Variants in KLHL29 observed in about 807,000 individuals in gnomAD.
KLHL29 encodes the protein kelch-like protein 29.
Under a neutral mutation model 80.4 loss-of-function variants are expected in KLHL29, and 21 were observed. That is an observed-to-expected ratio of 0.26 (90% CI 0.19 to 0.38). The LOEUF (loss-of-function observed/expected upper bound fraction) is 0.38, where lower values mean the gene tolerates loss of function less well. Among genes scored for constraint, KLHL29 ranks in the 10% least tolerant of loss-of-function variants. The probability of loss-of-function intolerance (pLI) is 1.00; values close to 1 mark genes in which losing one functional copy is unlikely to be tolerated. For synonymous variants in KLHL29, 511 were observed against 526.8 expected, an observed-to-expected ratio of 0.97 and a Z score of 0.41; for missense variants, 867 against 1,223.9, an observed-to-expected ratio of 0.71 and a Z score of 4.35.
intron 2 of KLHL29, among the ~76,000 whole-genome samples, chr2:23,502,496 G>C (rs1425723053): frequency 6.6e-6 from 1 of 152,228 alleles, no homozygotes; most frequent in African/African-American, 2.4e-5. Context: ...GGCCCCTAAG[G>C]GGGAGGACAC....
intron 5 of KLHL29, among the ~76,000 whole-genome samples, chr2:23,658,075 G>A (rs568963395): frequency 6.6e-6 from 1 of 151,850 alleles, no homozygotes; most frequent in East Asian, 2.0e-4. Flanking sequence ...CTCCATGCTT[G>A]GCCCTCCTCC....
At chr2:23,527,143 A>G (rs1666351187) in intron 2 of KLHL29, among the ~76,000 whole-genome samples, 1 of 152,120 alleles carries the variant, frequency 6.6e-6, no homozygotes, top group Admixed American at 6.5e-5. Context: ...GCTCCTTAAC[A>G]TGGGCTCCCA....
chr2:23,703,648 T>C (rs1156867074), intron 12 of KLHL29, 71 bp from the exon 13 acceptor site: 1 of 1,463,118 alleles, frequency 6.8e-7, no homozygotes, highest in Non-Finnish European at 9.0e-7. Flanking sequence ...CTGGAGGGTC[T>C]TCTGGGAAAG....
At chr2:23,416,188 G>A (rs1479118108) in intron 1 of KLHL29, among the ~76,000 whole-genome samples, 1 of 152,146 alleles carries the variant, frequency 6.6e-6, no homozygotes, top group Admixed American at 6.5e-5. Context: ...CTGGAAAGAA[G>A]CTGTTGTATT....
intron 1 of KLHL29, among the ~76,000 whole-genome samples, chr2:23,472,565 C>T (rs1287731110): frequency 2.6e-5 from 4 of 152,084 alleles, no homozygotes; most frequent in Admixed American, 6.5e-5. Context: ...ACCCGGGAGG[C>T]GGAGGCTGCA....
chr2:23,465,247 G>A (rs559143731), intron 1 of KLHL29, among the ~76,000 whole-genome samples: 29 of 152,314 alleles, frequency 1.9e-4, no homozygotes, highest in African/African-American at 6.0e-4. Context: ...TCCTGGCAGC[G>A]TTTGGGTGCT....
chr2:23,698,198 C>T (rs1268417300), intron 11 of KLHL29, among the ~76,000 whole-genome samples: 1 of 152,180 alleles, frequency 6.6e-6, no homozygotes, highest in East Asian at 1.9e-4. Context: ...GTGAGCGAGA[C>T]CACCCCGGGA....
chr2:23,499,838 C>A (rs1042104060), intron 2 of KLHL29, among the ~76,000 whole-genome samples: 2 of 152,224 alleles, frequency 1.3e-5, no homozygotes, highest in Non-Finnish European at 2.9e-5. Flanking sequence ...GACGCTTCAA[C>A]CTTAATATTT....
intron 3 of KLHL29, among the ~76,000 whole-genome samples, chr2:23,615,630 A>G (rs1015647803): frequency 6.6e-6 from 1 of 151,996 alleles, no homozygotes; most frequent in African/African-American, 2.4e-5. Context: ...CTGAAGTTGC[A>G]CTTTCCATGG....
At chr2:23,537,648 GC>G (rs1320538386) in intron 2 of KLHL29, among the ~76,000 whole-genome samples, 1 of 152,180 alleles carries the variant, frequency 6.6e-6, no homozygotes, top group Non-Finnish European at 1.5e-5. Flanking sequence ...GAAGTAGGAG[GC>G]CCCATCTGGG....
chr2:23,573,499 G>A (rs1253141598), intron 3 of KLHL29, among the ~76,000 whole-genome samples: 3 of 152,180 alleles, frequency 2.0e-5, no homozygotes, highest in Non-Finnish European at 4.4e-5. Flanking sequence ...GGACAACCCT[G>A]GTGAAATTGG....
intron 5 of KLHL29, among the ~76,000 whole-genome samples, chr2:23,646,503 G>C (rs961561929): frequency 6.6e-6 from 1 of 152,218 alleles, no homozygotes; most frequent in Non-Finnish European, 1.5e-5. Context: ...TTCTAGACCA[G>C]AAAGCAAAGC....
intron 2 of KLHL29, among the ~76,000 whole-genome samples, chr2:23,541,216 G>A (rs1666823380): frequency 6.6e-6 from 1 of 152,210 alleles, no homozygotes; most frequent in Admixed American, 6.5e-5. Context: ...ACAAATATTT[G>A]GTGTGTTAAC....
At chr2:23,593,932 G>GC (rs966594834) in intron 3 of KLHL29, among the ~76,000 whole-genome samples, 32 of 152,290 alleles carry the variant, frequency 2.1e-4, no homozygotes, top group African/African-American at 6.7e-4. Flanking sequence ...ATTACACAGA[G>GC]CCCGGGCCTG....
chr2:23,479,394 G>A (rs966476776), intron 2 of KLHL29, among the ~76,000 whole-genome samples: 43 of 152,018 alleles, frequency 2.8e-4, no homozygotes, highest in African/African-American at 9.2e-4. Context: ...CCCAGCCTGC[G>A]CTGTCCACCT....
intron 2 of KLHL29, among the ~76,000 whole-genome samples, chr2:23,541,936 G>T (rs1450675784): frequency 6.6e-6 from 1 of 152,162 alleles, no homozygotes; most frequent in Admixed American, 6.5e-5. Context: ...GGCCGTAGTG[G>T]TGCAGCTGCT....
intron 8 of KLHL29, among the ~76,000 whole-genome samples, chr2:23,694,842 A>G (rs1671849815): frequency 6.6e-6 from 1 of 151,914 alleles, no homozygotes; most frequent in Admixed American, 6.6e-5. Flanking sequence ...ACCCACTACA[A>G]ACCCTCACTA....
chr2:23,507,694 C>A (rs898940022), intron 2 of KLHL29, among the ~76,000 whole-genome samples: 14 of 152,294 alleles, frequency 9.2e-5, no homozygotes, highest in South Asian at 4.2e-4. Context: ...AGGGACCTGG[C>A]CTCACTTCGG....
At chr2:23,397,821 A>G (rs1292497248) in intron 1 of KLHL29, among the ~76,000 whole-genome samples, 1 of 152,250 alleles carries the variant, frequency 6.6e-6, no homozygotes, top group African/African-American at 2.4e-5. Context: ...ACACCTCTCC[A>G]GAGAAGGTAT....
Sources: allele counts gnomAD v4.1 joint callset (sites outside exome capture counted in the v4.1 genomes callset), GRCh38; gene constraint gnomAD v4.1.1; transcripts MANE v1.5; gene names NCBI Gene and HGNC (gene_info 2026-07-23, HGNC 2026-07-21).